Variants in RAPGEF2 observed in about 807,000 individuals in gnomAD.
RAPGEF2 encodes the protein Rap guanine nucleotide exchange factor 2.
Under a neutral mutation model 186.7 loss-of-function variants are expected in RAPGEF2, and 54 were observed. That is an observed-to-expected ratio of 0.29 (90% confidence interval 0.23 to 0.36). RAPGEF2 has a LOEUF of 0.36. RAPGEF2 is among the 10% of genes least tolerant of loss of function. The pLI, the probability that RAPGEF2 is intolerant of heterozygous loss-of-function variation, is 1.00. For missense variants in RAPGEF2, 1,532 were observed against 2,045.0 expected (o/e 0.75, Z 4.84); for synonymous variants, 712 against 705.9 (o/e 1.01, Z -0.14).
intron 7 of RAPGEF2, among the ~76,000 whole-genome samples, chr4:159,295,754 T>TGTGTGTGTGCGC (rs1386754001): frequency 5.3e-5 from 6 of 113,934 alleles, no homozygotes; most frequent in Non-Finnish European, 1.2e-4. Context: ...TGTGTGTGTG[T>TGTGTGTGTGCGC]GCGCGCGCGC....
At position 159,343,026 on chromosome 4, in the gene RAPGEF2, A is replaced by G. The variant is rs200131515; in HGVS notation, c.2966A>G (p.Lys989Arg). The change falls in exon 21 of 30, where the codon AAA (lysine) becomes AGA (arginine). Residue 989 changes from lysine to arginine, a missense_variant. Lys to Arg is a conservative substitution (Grantham distance 26). This residue lies in a region of RAPGEF2 where 810 missense variants were observed against 1,210.5 expected (regional missense o/e 0.67). Coordinates refer to ENST00000691494, the MANE Select transcript of RAPGEF2 (RefSeq NM_001394067.2). ...GCAAGACTGCGAACGACCTGGGAGA[A>G]ACTTCCCAATAAATACGAAAAACTA... The part of the protein sequence containing the change: ...PVARLRTTWE[K>R]LPNKYEKLFQ... 1.6e-4 allele frequency: 255 copies of G among 1,613,940 alleles called. No individual in the cohort carries two copies. Among genetic ancestry groups the G allele is most frequent in the Non-Finnish European group, 4.1e-5 (48 of 1,179,974 alleles).
At chr4:159,356,425 T>G (rs1732020526) in intron 29 of RAPGEF2, among the ~76,000 whole-genome samples, 1 of 152,152 alleles carries the variant, frequency 6.6e-6, no homozygotes, top group Non-Finnish European at 1.5e-5. Context: ...TATAACTGGT[T>G]TTCTTCTCCA....
intron 7 of RAPGEF2, among the ~76,000 whole-genome samples, chr4:159,292,303 G>A (rs1368626829): frequency 6.6e-6 from 1 of 152,014 alleles, no homozygotes; most frequent in Non-Finnish European, 1.5e-5. Flanking sequence ...CCCTACCTTG[G>A]GCTTTTGCTC....
intron 5 of RAPGEF2, among the ~76,000 whole-genome samples, chr4:159,240,389 A>G (rs989032165): frequency 1.7e-4 from 23 of 136,826 alleles, no homozygotes; most frequent in Admixed American, 4.7e-4. Context: ...CTTGAAGTGC[A>G]GTGGCGCGAT....
At chr4:159,270,271 A>T (rs1188231583) in intron 7 of RAPGEF2, among the ~76,000 whole-genome samples, 1 of 152,118 alleles carries the variant, frequency 6.6e-6, no homozygotes, top group African/African-American at 2.4e-5. Flanking sequence ...TTAAAATTTT[A>T]ATTGTATGTG....
At chr4:159,238,777 T>TTAATCAGGAGAA (rs1459530691) in intron 4 of RAPGEF2, 32 bp from the exon 5 acceptor site, 1 of 1,479,646 alleles carries the variant, frequency 6.8e-7, no homozygotes, top group South Asian at 1.3e-5. Context: ...TCTGAGGTTC[T>TTAATCAGGAGAA]CCTCATTGAT....
chr4:159,251,736 T>G (rs1286894116), intron 7 of RAPGEF2, among the ~76,000 whole-genome samples: 1 of 152,036 alleles, frequency 6.6e-6, no homozygotes, highest in Non-Finnish European at 1.5e-5. Context: ...CAGCACCCTG[T>G]CAAAACGGGC....
intron 3 of RAPGEF2, among the ~76,000 whole-genome samples, chr4:159,203,680 T>C (rs1280484039): frequency 2.0e-5 from 3 of 151,966 alleles, no homozygotes; most frequent in Admixed American, 6.5e-5. Flanking sequence ...CAGGATGAAG[T>C]TTGCAGCATA....
intron 1 of RAPGEF2, among the ~76,000 whole-genome samples, chr4:159,161,437 G>T (rs572596496): frequency 6.6e-6 from 1 of 152,342 alleles, no homozygotes; most frequent in East Asian, 1.9e-4. Context: ...GGGCACCGTG[G>T]TTTATGCCTG....
At chr4:159,314,088 C>G (rs1764260276) in intron 8 of RAPGEF2, among the ~76,000 whole-genome samples, 1 of 152,122 alleles carries the variant, frequency 6.6e-6, no homozygotes, top group Non-Finnish European at 1.5e-5. Context: ...TGGGATAATC[C>G]AACTAATTGT....
At chr4:159,151,484 A>G (rs1280493428) in intron 1 of RAPGEF2, among the ~76,000 whole-genome samples, 3 of 152,206 alleles carry the variant, frequency 2.0e-5, no homozygotes, top group African/African-American at 7.2e-5. Flanking sequence ...TTCTTGAGAA[A>G]ATTTTTAAAA....
chr4:159,268,280 A>T, intron 7 of RAPGEF2: 5 of 1,327,116 alleles, frequency 3.8e-6, no homozygotes, highest in Non-Finnish European at 5.4e-6. Flanking sequence ...TAAAATGGGA[A>T]TTGTTGCTCT....
At chr4:159,294,692 T>G (rs188106389) in intron 7 of RAPGEF2, among the ~76,000 whole-genome samples, 1 of 151,088 alleles carries the variant, frequency 6.6e-6, no homozygotes, top group Non-Finnish European at 1.5e-5. Context: ...CCTTCCTTCT[T>G]TCCGTCCGTC....
intron 1 of RAPGEF2, among the ~76,000 whole-genome samples, chr4:159,106,491 C>G (rs1315402972): frequency 6.6e-6 from 1 of 152,120 alleles, no homozygotes; most frequent in Non-Finnish European, 1.5e-5. Context: ...ATTTTCCATA[C>G]AGCCTTGTCT....
intron 7 of RAPGEF2, among the ~76,000 whole-genome samples, chr4:159,276,736 C>T (rs769146208): frequency 6.6e-6 from 1 of 151,868 alleles, no homozygotes; most frequent in African/African-American, 2.4e-5. Context: ...CGTTCATTGT[C>T]CTTATTTCCC....
At chr4:159,287,060 G>A (rs1352082120) in intron 7 of RAPGEF2, among the ~76,000 whole-genome samples, 2 of 152,064 alleles carry the variant, frequency 1.3e-5, no homozygotes. Context: ...AAAAATGCAG[G>A]TATAGGCAAC....
chr4:159,229,051 TC>T (rs1167427537), intron 4 of RAPGEF2, among the ~76,000 whole-genome samples: 2 of 152,204 alleles, frequency 1.3e-5, no homozygotes, highest in African/African-American at 4.8e-5. Context: ...TTTAGGAACA[TC>T]AGTCCAGTCA....
chr4:159,265,760 A>G (rs1757355076), intron 7 of RAPGEF2, among the ~76,000 whole-genome samples: 1 of 152,234 alleles, frequency 6.6e-6, no homozygotes, highest in Non-Finnish European at 1.5e-5. Context: ...CAGTTCCTTA[A>G]GGAGACTTTT....
At chr4:159,217,588 T>C (rs1047845294) in intron 4 of RAPGEF2, among the ~76,000 whole-genome samples, 1 of 152,214 alleles carries the variant, frequency 6.6e-6, no homozygotes, top group African/African-American at 2.4e-5. Flanking sequence ...TCCATGTCTT[T>C]GCTATGGTGA....
Sources: gnomAD v4.1 joint callset for allele counts (sites outside exome capture counted in the v4.1 genomes callset) on GRCh38, gnomAD v4.1.1 for gene constraint, gnomAD v4.1.1 regional missense constraint, MANE v1.5 for transcripts, NCBI Gene and HGNC (gene_info 2026-07-23, HGNC 2026-07-21) for gene names.